The following IFT46 variants were observed in gnomAD, a reference collection of about 807,000 sequenced individuals.
IFT46 encodes the protein intraflagellar transport protein 46 homolog.
In IFT46, 19 loss-of-function variants were observed where a neutral mutation model predicts 39.6. That is an observed-to-expected ratio of 0.48 (90% CI 0.33 to 0.70). The LOEUF (loss-of-function observed/expected upper bound fraction) is 0.70. Ranked by LOEUF, IFT46 falls within the 30% of genes least tolerant of loss-of-function variation. The pLI is 0.01. For missense variants in IFT46, 334 were observed against 364.8 expected, an observed-to-expected ratio of 0.92 and a Z score of 0.69; for synonymous variants, 117 against 134.8, an observed-to-expected ratio of 0.87 and a Z score of 0.91.
chr11:118,554,862 G>A (rs1937773549), intron 6 of IFT46, 128 bp downstream of exon 6: 1 of 748,528 alleles, frequency 1.3e-6, no homozygotes, highest in South Asian at 1.8e-5. Context: ...TGAGAGCAAG[G>A]TTAAGAACTC....
chr11:118,566,608 G>C (rs1194098795), upstream of IFT46, among the ~76,000 whole-genome samples: 1 of 152,210 alleles, frequency 6.6e-6, no homozygotes, highest in Non-Finnish European at 1.5e-5. Flanking sequence ...CAGGAGAATG[G>C]CATGAACCCA....
chr11:118,575,200 G>C (rs1180448993), upstream of IFT46, among the ~76,000 whole-genome samples: 17 of 152,028 alleles, frequency 1.1e-4, no homozygotes, highest in Non-Finnish European at 2.2e-4. Flanking sequence ...GGATAGTCTC[G>C]ATCTCCTCAC....
At position 118,559,788 on chromosome 11, in the gene IFT46, G is replaced by A; in HGVS notation, c.42C>T (p.Asn14=). The change falls in exon 3 of 12, where the codon AAC becomes AAT. Residue 14 remains asparagine (N), a synonymous_variant. Coordinates refer to ENST00000264021, the MANE Select transcript of IFT46 (RefSeq NM_001168618.2). ...NSSDECEEEN[N]KEKKKTSQLT... is the part of the protein sequence containing the mutation. ...GAAGCTGTGAGTTTTACTGTACCTT[G>A]TTATTTTCCTCTTCACACTCATCAC... The A allele has an allele frequency of 6.2e-7, 1 of 1,612,408 alleles. No individual in the cohort carries two copies. Among genetic ancestry groups the A allele is most frequent in the Non-Finnish European group, 8.5e-7 (1 of 1,178,550 alleles).
chr11:118,547,606 A>C (rs1591358616), intron 9 of IFT46, among the ~76,000 whole-genome samples: 2 of 145,238 alleles, frequency 1.4e-5, no homozygotes, highest in South Asian at 4.9e-4. Flanking sequence ...TTTTCAATAG[A>C]GACAGGGGTC....
intron 9 of IFT46, among the ~76,000 whole-genome samples, chr11:118,548,433 T>C (rs970393219): frequency 2.1e-4 from 31 of 149,584 alleles, no homozygotes; most frequent in African/African-American, 7.8e-4. Context: ...GGCGCGATCT[T>C]GGCTCACTGC....
intron 9 of IFT46, among the ~76,000 whole-genome samples, chr11:118,551,356 G>A (rs1951798776): frequency 6.7e-6 from 1 of 150,178 alleles, no homozygotes. Context: ...CTGGGCGACA[G>A]AGAGAGACTC....
Position 118,556,982 on chromosome 11 carries a change from C to T in IFT46, c.109G>A (p.Asp37Asn), listed in dbSNP as rs200467196. ...GTTTCAGATGAATCATCATCATCAT[C>T]ATCGTCATCCTCATTTTCACTAAAG... ...RGFSENEDDD[D>N]DDDDSSETDS... The change falls in exon 4 of 12, where the codon GAT becomes AAT. Residue 37 changes from aspartate to asparagine, a missense_variant. Physicochemically the swap from Asp to Asn is conservative, Grantham distance 23 (BLOSUM62 1). Coordinates refer to ENST00000264021, the MANE Select transcript of IFT46 (RefSeq NM_001168618.2). 1.2e-6 allele frequency: 2 copies of T among 1,613,166 alleles called. No individual in the cohort carries two copies. The highest frequency in any genetic ancestry group is 2.2e-5 in the South Asian group (2 of 90,914).
intron 9 of IFT46, among the ~76,000 whole-genome samples, chr11:118,550,801 G>A (rs1262711071): frequency 6.6e-6 from 1 of 152,094 alleles, no homozygotes; most frequent in Admixed American, 6.6e-5. Flanking sequence ...GGCAGAGGCG[G>A]GTGGATCACG....
chr11:118,574,271 G>T (rs141745700), upstream of IFT46, among the ~76,000 whole-genome samples: 136 of 152,158 alleles, frequency 8.9e-4, 4 homozygotes, highest in East Asian at 0.012. Context: ...TTAAGACATT[G>T]GTATGATTTC....
chr11:118,545,791 A>G lies in IFT46; in HGVS notation c.733+2T>C, dbSNP rs1479960819. The G allele has an allele frequency of 6.2e-7, 1 of 1,613,928 alleles. No individual in the cohort carries two copies. Among genetic ancestry groups the G allele is most frequent in the Non-Finnish European group, 8.5e-7 (1 of 1,179,900 alleles). ...GGACGAGGAAAGGAAAGAGGAACTC[A>G]CCACAGATCATGTCAATGTACTCTG... On this transcript the variant is annotated splice_donor_variant, in intron 10 of 11. Transcript: ENST00000264021. LOFTEE classifies it high-confidence loss of function.
In IFT46 at chr11:118,565,882, G is replaced by A. The variant is rs1938212128; in HGVS notation, c.-225C>T. 6.6e-6 allele frequency: 1 copy of A among 152,590 alleles called. No homozygotes were observed. Among genetic ancestry groups the A allele is most frequent in the Non-Finnish European group, 1.5e-5 (1 of 68,046 alleles). The allele number at this position is 152,590 out of a possible 1,614,324, so 9.5% of individuals were successfully genotyped here. ...CCAGTCTCAAAGCCAGGCCACTTTAGGATTCCACGCCAAGCAACCAGCCTG... is the reference window on the plus strand; with the variant it reads ...CCAGTCTCAAAGCCAGGCCACTTTAAGATTCCACGCCAAGCAACCAGCCTG... On this transcript the variant is annotated 5_prime_UTR_variant, in exon 1 of 12. Coordinates refer to ENST00000264021, the MANE Select transcript of IFT46 (RefSeq NM_001168618.2).
intron 2 of IFT46, among the ~76,000 whole-genome samples, chr11:118,562,546 C>A (rs200263779): frequency 9.1e-6 from 1 of 109,606 alleles, no homozygotes; most frequent in Non-Finnish European, 1.9e-5. Context: ...CAAATTAAAC[C>A]CTTTTTTTAT....
chr11:118,576,862 ACTT>A (rs1233100271), upstream of IFT46, among the ~76,000 whole-genome samples: 31 of 152,138 alleles, frequency 2.0e-4, no homozygotes, highest in Admixed American at 1.9e-3. Context: ...ATTTTACCCT[ACTT>A]CTTTCTTCAT....
chr11:118,553,068 C>A (rs1466925003), intron 7 of IFT46, among the ~76,000 whole-genome samples: 1 of 148,922 alleles, frequency 6.7e-6, no homozygotes, highest in African/African-American at 2.5e-5. Flanking sequence ...GGTAACAGAG[C>A]GAGACCCTGT....
upstream of IFT46, among the ~76,000 whole-genome samples, chr11:118,574,974 T>C (rs536326124): frequency 1.3e-5 from 2 of 152,086 alleles, no homozygotes; most frequent in African/African-American, 4.8e-5. Context: ...TGTTCTGACT[T>C]TTTTTCTTGT....
At chr11:118,569,004 G>C (rs1029496604), upstream of IFT46, among the ~76,000 whole-genome samples, 2 of 151,924 alleles carry the variant, frequency 1.3e-5, no homozygotes, top group Non-Finnish European at 2.9e-5. Flanking sequence ...AAATAGGCCG[G>C]GAGCTGTGGC....
intron 1 of IFT46, chr11:118,565,552 C>T (rs1006058997): frequency 6.6e-6 from 1 of 151,720 alleles, no homozygotes; most frequent in African/African-American, 2.4e-5. Context: ...AAACTCCAGT[C>T]TCTCAGTCCC....
At chr11:118,548,821 A>G (rs1269937168) in intron 9 of IFT46, among the ~76,000 whole-genome samples, 6 of 146,630 alleles carry the variant, frequency 4.1e-5, no homozygotes, top group Admixed American at 6.9e-5. Context: ...AGATGGGTCT[A>G]TGTTGCCCAG....
At chr11:118,552,428 G>C (rs1231813385) in intron 7 of IFT46, 93 bp from the exon 8 acceptor site, 2 of 1,466,224 alleles carry the variant, frequency 1.4e-6, no homozygotes, top group African/African-American at 1.4e-5. Context: ...TTTCATATTC[G>C]AGCTTGCTGA....
Sources: allele counts gnomAD v4.1 joint callset (sites outside exome capture counted in the v4.1 genomes callset), GRCh38; gene constraint gnomAD v4.1.1; transcripts MANE v1.5; gene names NCBI Gene and HGNC (gene_info 2026-07-23, HGNC 2026-07-21).